Variants in AVL9 observed in about 807,000 individuals in gnomAD.
The protein encoded by AVL9 is late secretory pathway protein AVL9 homolog.
AVL9 carries 49 observed loss-of-function variants against 79.2 expected under a neutral mutation model. The ratio of observed to expected loss-of-function variants is 0.62; its 90% CI spans 0.49 to 0.79. AVL9 has a LOEUF of 0.79. Among genes scored for constraint, AVL9 ranks in the 30% least tolerant of loss-of-function variants. The pLI, the probability that AVL9 is intolerant of heterozygous loss-of-function variation, is 0.00. For synonymous variants in AVL9, 299 were observed against 280.6 expected (o/e 1.07, Z -0.65); for missense variants, 682 against 776.8 (o/e 0.88, Z 1.45).
rs1441900865 is a variant in AVL9 at position 32,558,970 on chromosome 7, C to G, written c.721C>G (p.Pro241Ala). The G allele has an allele frequency of 1.9e-6, 3 of 1,610,380 alleles. No individual in the cohort carries two copies. The highest frequency in any genetic ancestry group is 2.5e-6 in the Non-Finnish European group (3 of 1,178,462). ...TCTCAGTGACTGTTCTCAGTATAGA[C>G]CCCGGAAAAGTATGTCTGAAGATGG... ...HGLSDCSQYRPRKSMSEDGGL... is the reference protein window; with the variant it reads ...HGLSDCSQYRARKSMSEDGGL... Residue 241 changes from proline to alanine, a missense_variant, in exon 10 of 16, where the codon CCC becomes GCC. Physicochemically the swap from Pro to Ala is conservative, Grantham distance 27 (BLOSUM62 -1). Coordinates refer to ENST00000318709, the MANE Select transcript of AVL9 (RefSeq NM_015060.3).
intron 3 of AVL9, among the ~76,000 whole-genome samples, chr7:32,545,995 G>A (rs974833108): frequency 6.6e-6 from 1 of 151,100 alleles, no homozygotes; most frequent in Non-Finnish European, 1.5e-5. Context: ...AGCTCGCCAG[G>A]TGATTTTTCT....
At chr7:32,496,366 T>C (rs1786812548) in intron 1 of AVL9, among the ~76,000 whole-genome samples, 1 of 152,328 alleles carries the variant, frequency 6.6e-6, no homozygotes, top group East Asian at 1.9e-4. Context: ...CCCCTTCCCA[T>C]TGGTCCTTAG....
intron 1 of AVL9, among the ~76,000 whole-genome samples, chr7:32,542,586 A>G (rs1789266172): frequency 6.6e-6 from 1 of 152,154 alleles, no homozygotes; most frequent in South Asian, 2.1e-4. Context: ...AGAAACAATC[A>G]TGAATTTTAA....
chr7:32,503,361 G>C (rs1426413801), intron 1 of AVL9, among the ~76,000 whole-genome samples: 4 of 121,498 alleles, frequency 3.3e-5, no homozygotes, highest in Non-Finnish European at 5.0e-5. Context: ...GATATAGAGA[G>C]ATATATATAT....
At chr7:32,525,204 A>G (rs1257658125) in intron 1 of AVL9, among the ~76,000 whole-genome samples, 2 of 152,234 alleles carry the variant, frequency 1.3e-5, no homozygotes, top group Non-Finnish European at 2.9e-5. Context: ...TGGGTGAAGT[A>G]TATTTTTGTA....
rs1294899414 is a variant in AVL9 at position 32,579,306 on chromosome 7, ATATATTATATATATTT to A, written c.1689-907_1689-892del. Among the ~76,000 whole-genome samples the A allele has an allele frequency of 6.7e-4, 43 of 64,498 alleles. 1 individual carries two copies. The highest frequency in any genetic ancestry group is 2.5e-3 in the African/African-American group (40 of 15,780). The allele number at this position is 64,498 out of a possible 152,430, so 42.3% of individuals were successfully genotyped here. The stretch of plus-strand genomic sequence containing the variant: ...TATATATATATGTATTATATATATT[ATATATTATATATATTT>A]TATATAATATATATAACACATATTT... On this transcript the variant is annotated intron_variant, in intron 13 of 15. Coordinates refer to ENST00000318709, the MANE Select transcript of AVL9 (RefSeq NM_015060.3).
chr7:32,581,128 C>T, intron 15 of AVL9: 1 of 474,140 alleles, frequency 2.1e-6, no homozygotes, highest in South Asian at 2.5e-5. Flanking sequence ...GTTTTGCTAC[C>T]AAGATTCAAG....
At chr7:32,503,347 T>TAG (rs1218436387) in intron 1 of AVL9, among the ~76,000 whole-genome samples, 24 of 74,336 alleles carry the variant, frequency 3.2e-4, no homozygotes, top group Middle Eastern at 8.1e-3. Flanking sequence ...TATATATAGA[T>TAG]ATAGATATAG....
intron 1 of AVL9, among the ~76,000 whole-genome samples, chr7:32,522,023 C>G (rs574740173): frequency 6.6e-6 from 1 of 152,328 alleles, no homozygotes; most frequent in East Asian, 1.9e-4. Flanking sequence ...GTTTGGGAAC[C>G]TCTACCTAGA....
At chr7:32,535,945 A>T (rs1788886413) in intron 1 of AVL9, 1 of 151,630 alleles carries the variant, frequency 6.6e-6, no homozygotes, top group Non-Finnish European at 1.5e-5. Context: ...GCTTGCACTC[A>T]CTCCATTCCA....
chr7:32,497,093 C>T (rs556277378), intron 1 of AVL9, among the ~76,000 whole-genome samples: 40 of 146,680 alleles, frequency 2.7e-4, no homozygotes, highest in African/African-American at 9.5e-4. Context: ...GAGCAAGACC[C>T]TGTCTCAATC....
intron 10 of AVL9, chr7:32,559,852 C>T (rs78388869): frequency 0.011 from 1,743 of 159,438 alleles, 25 homozygotes; most frequent in African/African-American, 0.039. Flanking sequence ...TGTGATAAAG[C>T]GAGTCTCAGG....
chr7:32,521,684 G>C (rs992857590), intron 1 of AVL9, among the ~76,000 whole-genome samples: 10 of 152,210 alleles, frequency 6.6e-5, no homozygotes, highest in Non-Finnish European at 8.8e-5. Context: ...ATTCAAGCCA[G>C]CTGCGGAAAT....
In AVL9 at chr7:32,573,246, G is replaced by A; in HGVS notation, c.1398G>A (p.Leu466=). The change falls in exon 12 of 16, where the codon CTG becomes CTA. Residue 466 remains leucine, a synonymous_variant. Transcript: ENST00000318709. ...IQIHDPELRK[L]LNPTTADLRF... ...TCCATGATCCAGAACTCAGGAAGCT[G>A]CTTAACCCAACCACTGCAGACCTAA... 6.2e-7 allele frequency: 1 copy of A among 1,614,020 alleles called. No homozygotes were observed. The highest frequency in any genetic ancestry group is 8.5e-7 in the Non-Finnish European group (1 of 1,180,008).
chr7:32,528,373 A>T (rs1191658966), intron 1 of AVL9, among the ~76,000 whole-genome samples: 1 of 152,190 alleles, frequency 6.6e-6, no homozygotes, highest in Non-Finnish European at 1.5e-5. Context: ...TAACCTTGCA[A>T]AATAAACTTT....
chr7:32,546,561 A>C (rs775145387), intron 3 of AVL9, among the ~76,000 whole-genome samples: 81 of 152,300 alleles, frequency 5.3e-4, no homozygotes, highest in Non-Finnish European at 9.9e-4. Context: ...GGTGGCTCAC[A>C]CCTGTAATCC....
chr7:32,565,977 CA>C (rs70992730), intron 10 of AVL9, among the ~76,000 whole-genome samples: 39 of 139,228 alleles, frequency 2.8e-4, no homozygotes, highest in Non-Finnish European at 2.5e-4. Context: ...CACTGCACTC[CA>C]AAAAAAAAAA....
intron 10 of AVL9, among the ~76,000 whole-genome samples, chr7:32,567,874 C>T (rs898193561): frequency 6.6e-6 from 1 of 151,832 alleles, no homozygotes; most frequent in Non-Finnish European, 1.5e-5. Context: ...CTCGCCACCA[C>T]AGGTCCAGCT....
chr7:32,525,542 G>T (rs1788364619), intron 1 of AVL9, among the ~76,000 whole-genome samples: 1 of 152,006 alleles, frequency 6.6e-6, no homozygotes, highest in Admixed American at 6.6e-5. Flanking sequence ...TTGTTTCAAA[G>T]GAAAAATGTA....
Sources: allele counts gnomAD v4.1 joint callset (sites outside exome capture counted in the v4.1 genomes callset), GRCh38; gene constraint gnomAD v4.1.1; transcripts MANE v1.5; gene names NCBI Gene and HGNC (gene_info 2026-07-23, HGNC 2026-07-21).